Variants in SPTBN1 observed in about 807,000 individuals in gnomAD.
SPTBN1 encodes spectrin beta chain, non-erythrocytic 1.
SPTBN1 carries 32 observed loss-of-function variants against 266.4 expected under a neutral mutation model. The ratio of observed to expected loss-of-function variants is 0.12; its 90% CI spans 0.09 to 0.16. SPTBN1 has a LOEUF of 0.16. SPTBN1 is among the 10% of genes least tolerant of loss of function. SPTBN1 has a pLI of 1.00. For synonymous variants in SPTBN1, 1,336 were observed against 1,162.2 expected (o/e 1.15, Z -3.04); for missense variants, 2,296 against 3,067.1 (o/e 0.75, Z 5.94).
At chr2:54,494,371 A>T (rs951753558) in intron 1 of SPTBN1, among the ~76,000 whole-genome samples, 1 of 152,190 alleles carries the variant, frequency 6.6e-6, no homozygotes, top group Non-Finnish European at 1.5e-5. Flanking sequence ...CAGACATTCA[A>T]TTCCGAGGTA....
chr2:54,504,760 T>C (rs1480552766), intron 1 of SPTBN1, among the ~76,000 whole-genome samples: 1 of 148,346 alleles, frequency 6.7e-6, no homozygotes, highest in South Asian at 2.1e-4. Context: ...AATTAAAAGG[T>C]TTTTTTTTTA....
At chr2:54,567,150 G>GATC (rs1325864377) in intron 2 of SPTBN1, among the ~76,000 whole-genome samples, 1 of 152,186 alleles carries the variant, frequency 6.6e-6, no homozygotes, top group Non-Finnish European at 1.5e-5. Context: ...AAATAAACTT[G>GATC]ATCTAGGTAA....
intron 32 of SPTBN1, chr2:54,662,221 G>A: frequency 1.0e-6 from 1 of 985,442 alleles, no homozygotes; most frequent in Non-Finnish European, 1.2e-6. Context: ...ATAGCACTGT[G>A]ATTGCTTTTG....
At chr2:54,607,755 T>G (rs1255192880) in intron 3 of SPTBN1, among the ~76,000 whole-genome samples, 1 of 152,236 alleles carries the variant, frequency 6.6e-6, no homozygotes, top group Non-Finnish European at 1.5e-5. Context: ...ATCAATCCCC[T>G]GTGGATACCA....
chr2:54,635,541 A>G (rs1402181394), intron 17 of SPTBN1, among the ~76,000 whole-genome samples: 1 of 152,266 alleles, frequency 6.6e-6, no homozygotes, highest in Non-Finnish European at 1.5e-5. Context: ...AGTTGATTAT[A>G]TAAGAAATAC....
At chr2:54,488,756 A>G (rs1282127786) in intron 1 of SPTBN1, among the ~76,000 whole-genome samples, 1 of 151,912 alleles carries the variant, frequency 6.6e-6, no homozygotes, top group Non-Finnish European at 1.5e-5. Flanking sequence ...AGGGAAAAAA[A>G]ATAACAGAAT....
intron 2 of SPTBN1, among the ~76,000 whole-genome samples, chr2:54,569,575 A>G (rs1673913586): frequency 6.6e-6 from 1 of 152,204 alleles, no homozygotes; most frequent in South Asian, 2.1e-4. Context: ...TTTTTACTTA[A>G]CATCATCTTA....
chr2:54,585,929 A>G (rs1007217714), intron 2 of SPTBN1, among the ~76,000 whole-genome samples: 6 of 152,234 alleles, frequency 3.9e-5, no homozygotes, highest in African/African-American at 7.2e-5. Context: ...CTATCATTCA[A>G]TAAATTACTT....
chr2:54,466,786 C>A (rs1311981864), intron 1 of SPTBN1, among the ~76,000 whole-genome samples: 2 of 152,074 alleles, frequency 1.3e-5, no homozygotes, highest in African/African-American at 4.8e-5. Flanking sequence ...CTCATTTTAG[C>A]TGGATACAAA....
intron 2 of SPTBN1, among the ~76,000 whole-genome samples, chr2:54,538,038 A>G (rs1475518534): frequency 6.6e-6 from 1 of 152,240 alleles, no homozygotes; most frequent in East Asian, 1.9e-4. Flanking sequence ...AATGTTTACG[A>G]CACATTTTCA....
Position 54,625,918 on chromosome 2 carries a change from C to T in SPTBN1, c.1342-14C>T, listed in dbSNP as rs567998626. On this transcript the variant is annotated splice_polypyrimidine_tract_variant and intron_variant, in intron 11 of 35. Coordinates refer to ENST00000356805, the MANE Select transcript of SPTBN1 (RefSeq NM_003128.3). ...ATTTTTTATTTTCCTTCTTTTCATT[C>T]CGTTTCTCTGTAGGACAACTTTGGG... The T allele has an allele frequency of 2.5e-6, 4 of 1,608,348 alleles. No homozygotes were observed. In the East Asian group the frequency reaches 8.9e-5, roughly 36 times the overall value.
rs1049781131 is a variant in SPTBN1, at chr2:54,626,299, C to T, written c.1644+65C>T. 41 of 1,531,094 alleles carry T rather than the reference C, an allele frequency of 2.7e-5. No individual in the cohort carries two copies. Among genetic ancestry groups the T allele is most frequent in the Non-Finnish European group, 3.2e-5 (36 of 1,135,650 alleles). The allele number at this position is 1,531,094 out of a possible 1,614,324, so 94.8% of individuals were successfully genotyped here. ...AACCAGGGCTCTCTTTTCTGTGACTCATTCACTAAACCCCTACGTACAGCT... is the reference window on the plus strand; with the variant it reads ...AACCAGGGCTCTCTTTTCTGTGACTTATTCACTAAACCCCTACGTACAGCT... On this transcript the variant is annotated intron_variant, in intron 12 of 35. Transcript: ENST00000356805. This position sits in a 1 kb window ranked among gnomAD's most constrained non-coding sequence, Gnocchi z 4.7.
chr2:54,530,798 A>G (rs1028631490), intron 2 of SPTBN1, among the ~76,000 whole-genome samples: 4 of 152,212 alleles, frequency 2.6e-5, no homozygotes, highest in African/African-American at 9.6e-5. Context: ...CCTAAAACCA[A>G]TGGAGTCTGC....
intron 2 of SPTBN1, among the ~76,000 whole-genome samples, chr2:54,573,665 C>G (rs1023507836): frequency 2.0e-5 from 3 of 152,206 alleles, no homozygotes; most frequent in South Asian, 2.1e-4. Context: ...AGAAACAGAA[C>G]TCCTTTTGGA....
intron 26 of SPTBN1, among the ~76,000 whole-genome samples, chr2:54,650,948 T>C (rs1680239277): frequency 6.6e-6 from 1 of 152,214 alleles, no homozygotes; most frequent in African/African-American, 2.4e-5. Context: ...TGATAGTTGT[T>C]CTCTCTCACT....
At chr2:54,606,981 C>A (rs1326629914) in intron 3 of SPTBN1, among the ~76,000 whole-genome samples, 2 of 152,188 alleles carry the variant, frequency 1.3e-5, no homozygotes, top group Non-Finnish European at 2.9e-5. Flanking sequence ...TTTGATGCAA[C>A]CTGGCATTGC....
chr2:54,520,118 A>G (rs892373019), intron 1 of SPTBN1, among the ~76,000 whole-genome samples: 4 of 152,178 alleles, frequency 2.6e-5, no homozygotes, highest in Admixed American at 6.5e-5. Flanking sequence ...TTTGTAGAGT[A>G]ACAGTAGAGG....
chr2:54,490,119 AC>A (rs1668608545), intron 1 of SPTBN1, among the ~76,000 whole-genome samples: 1 of 148,548 alleles, frequency 6.7e-6, no homozygotes, highest in Non-Finnish European at 1.5e-5. Flanking sequence ...TGCACTTGTC[AC>A]CCAGGCTGGA....
intron 1 of SPTBN1, among the ~76,000 whole-genome samples, chr2:54,501,582 C>T (rs1232889382): frequency 1.3e-5 from 2 of 152,196 alleles, no homozygotes; most frequent in African/African-American, 4.8e-5. Flanking sequence ...AGGTTTGTGG[C>T]ATCCAGAAAG....
Sources: allele counts gnomAD v4.1 joint callset (sites outside exome capture counted in the v4.1 genomes callset), GRCh38; gene constraint gnomAD v4.1.1; non-coding constraint Gnocchi (gnomAD v3.1); transcripts MANE v1.5; gene names NCBI Gene and HGNC (gene_info 2026-07-23, HGNC 2026-07-21).